CAMK4: variants seen among roughly 807,000 people sequenced by gnomAD.
CAMK4 encodes the protein calcium/calmodulin-dependent protein kinase type IV.
In CAMK4, 22 loss-of-function variants were observed where a neutral mutation model predicts 44.9. The ratio of observed to expected loss-of-function variants is 0.49; its 90% CI spans 0.35 to 0.70. The LOEUF is 0.70. CAMK4 is among the 30% of genes least tolerant of loss of function. The pLI is 0.01. For missense variants in CAMK4, 498 were observed against 586.8 expected (o/e 0.85, Z 1.56); for synonymous variants, 218 against 215.4 (o/e 1.01, Z -0.11).
At position 111,357,926 on chromosome 5, in the gene CAMK4, T is replaced by A. The variant is rs1176714140; in HGVS notation, c.240+13824T>A. 3 of 152,078 alleles carry A rather than the reference T, an allele frequency of 2.0e-5. No homozygotes were observed. In the East Asian group the frequency reaches 5.8e-4, roughly 29 times the overall value. 9.4% of individuals were successfully genotyped at this position (152,078 alleles called of 1,614,324 possible). A position where few individuals can be genotyped will look rare whatever the true frequency, so the allele number is the denominator to read the frequency against. On this transcript the variant is annotated intron_variant, in intron 2 of 10. Coordinates refer to ENST00000282356, the MANE Select transcript of CAMK4 (RefSeq NM_001744.6). ...TACACAATAGCATGTATTCTAGAACTCAGGGCTTTTGAATTCCAAATCTGG... is the reference window on the plus strand; with the variant it reads ...TACACAATAGCATGTATTCTAGAACACAGGGCTTTTGAATTCCAAATCTGG...
chr5:111,429,165 T>A (rs1561482801), intron 5 of CAMK4, among the ~76,000 whole-genome samples: 1 of 150,784 alleles, frequency 6.6e-6, no homozygotes. Flanking sequence ...GAAATTAAAG[T>A]GAAAAAAAAG....
At chr5:111,232,061 A>G (rs984804296) in intron 1 of CAMK4, among the ~76,000 whole-genome samples, 1 of 152,186 alleles carries the variant, frequency 6.6e-6, no homozygotes, top group African/African-American at 2.4e-5. Context: ...ATTTAATTCC[A>G]TGCGTTTGTG....
At chr5:111,446,886 C>T in intron 6 of CAMK4, 110 bp downstream of exon 6, 2 of 742,294 alleles carry the variant, frequency 2.7e-6, no homozygotes, top group East Asian at 5.2e-5. Flanking sequence ...ATTCAGTTTT[C>T]CTGAATAATT....
intron 1 of CAMK4, among the ~76,000 whole-genome samples, chr5:111,317,777 C>G (rs1381990382): frequency 6.6e-6 from 1 of 151,922 alleles, no homozygotes; most frequent in Non-Finnish European, 1.5e-5. Flanking sequence ...GTTTAATGCT[C>G]TGCCATGGCC....
chr5:111,371,012 G>A (rs1320057380), intron 2 of CAMK4, among the ~76,000 whole-genome samples: 3 of 152,142 alleles, frequency 2.0e-5, no homozygotes, highest in African/African-American at 4.8e-5. Flanking sequence ...TTCTAGTAAC[G>A]CCTCTCTTTT....
intron 8 of CAMK4, among the ~76,000 whole-genome samples, chr5:111,476,778 A>G (rs751803187): frequency 1.3e-4 from 20 of 152,184 alleles, no homozygotes; most frequent in Non-Finnish European, 2.5e-4. Flanking sequence ...TCTGATCAGA[A>G]ATCAGATAAC....
intron 1 of CAMK4, among the ~76,000 whole-genome samples, chr5:111,273,318 C>T (rs994250838): frequency 6.6e-6 from 1 of 151,888 alleles, no homozygotes; most frequent in Non-Finnish European, 1.5e-5. Context: ...AGCACATACA[C>T]ACACATTCAC....
chr5:111,245,891 T>C (rs142789290), intron 1 of CAMK4, among the ~76,000 whole-genome samples: 164 of 152,346 alleles, frequency 1.1e-3, no homozygotes, highest in African/African-American at 3.3e-3. Context: ...TGACTGCAGT[T>C]TGTATAACTT....
intron 2 of CAMK4, among the ~76,000 whole-genome samples, chr5:111,367,350 A>C (rs1347402683): frequency 6.6e-6 from 1 of 151,828 alleles, no homozygotes; most frequent in Non-Finnish European, 1.5e-5. Flanking sequence ...TCATGAGAGC[A>C]CATACCTCAT....
chr5:111,480,249 A>AACACACACACACACACAC (rs532395570), intron 9 of CAMK4, among the ~76,000 whole-genome samples: 6,936 of 121,038 alleles, frequency 0.057, 286 homozygotes, highest in Middle Eastern at 0.071. Context: ...TAGGCATGTA[A>AACACACACACACACACAC]ACACACACAC....
In CAMK4 at chr5:111,494,077, C is replaced by G. The variant is rs1389441424; in HGVS notation, c.*9611C>G. The G allele has an allele frequency of 6.6e-6, 1 of 152,090 alleles. No homozygotes were observed. The highest frequency in any genetic ancestry group is 1.9e-4 in the East Asian group (1 of 5,176). The allele number at this position is 152,090 out of a possible 1,614,324, so 9.4% of individuals were successfully genotyped here. The stretch of plus-strand genomic sequence containing the variant: ...TTATTCCTGGGTTGCTGAAAGCTTT[C>G]TGGACTAAAAGGATATAAGCAGCTC... On this transcript the variant is annotated 3_prime_UTR_variant, in exon 11 of 11. Coordinates refer to ENST00000282356, the MANE Select transcript of CAMK4 (RefSeq NM_001744.6).
At chr5:111,343,756 A>C (rs1749740403) in intron 1 of CAMK4, among the ~76,000 whole-genome samples, 1 of 151,758 alleles carries the variant, frequency 6.6e-6, no homozygotes, top group South Asian at 2.1e-4. Flanking sequence ...GAGCCTTCTC[A>C]ATGCAGTAGC....
At chr5:111,262,019 T>C (rs1404915908) in intron 1 of CAMK4, among the ~76,000 whole-genome samples, 2 of 152,044 alleles carry the variant, frequency 1.3e-5, no homozygotes, top group Admixed American at 1.3e-4. Flanking sequence ...AGGTCTTAGG[T>C]CTGCAGAGTC....
intron 1 of CAMK4, among the ~76,000 whole-genome samples, chr5:111,248,296 G>T (rs1281200646): frequency 6.6e-6 from 1 of 152,202 alleles, no homozygotes; most frequent in East Asian, 1.9e-4. Flanking sequence ...TTTAATATTT[G>T]TTCAGAGCTA....
chr5:111,260,662 G>A (rs1367646465), intron 1 of CAMK4, among the ~76,000 whole-genome samples: 1 of 152,076 alleles, frequency 6.6e-6, no homozygotes, highest in Non-Finnish European at 1.5e-5. Flanking sequence ...TACACTTCCA[G>A]TCTCTCAAGG....
chr5:111,321,154 A>G (rs1748646822), intron 1 of CAMK4, among the ~76,000 whole-genome samples: 1 of 152,138 alleles, frequency 6.6e-6, no homozygotes, highest in African/African-American at 2.4e-5. Context: ...TCATGAGATT[A>G]GAGGAGGCAA....
At chr5:111,429,759 C>A (rs1316561323) in intron 5 of CAMK4, among the ~76,000 whole-genome samples, 4 of 101,734 alleles carry the variant, frequency 3.9e-5, no homozygotes, top group Non-Finnish European at 7.1e-5. Flanking sequence ...GGCTGGGTGA[C>A]AGAGTGAGAC....
In CAMK4 at chr5:111,487,736, A is replaced by G. The variant is rs1755683990; in HGVS notation, c.*3270A>G. ...CAATAGTCACATGTGGCTAGTGGCT[A>G]CCATATTAGACAGCACTAGTCTAGA... On this transcript the variant is annotated 3_prime_UTR_variant, in exon 11 of 11. Coordinates refer to ENST00000282356, the MANE Select transcript of CAMK4 (RefSeq NM_001744.6). The G allele has an allele frequency of 6.6e-6, 1 of 152,104 alleles. No homozygotes were observed. The highest frequency in any genetic ancestry group is 1.5e-5 in the Non-Finnish European group (1 of 67,988). 9.4% of individuals were successfully genotyped at this position (152,104 alleles called of 1,614,324 possible).
At chr5:111,246,759 C>T (rs1749259974) in intron 1 of CAMK4, among the ~76,000 whole-genome samples, 1 of 152,174 alleles carries the variant, frequency 6.6e-6, no homozygotes, top group South Asian at 2.1e-4. Context: ...CACACCTAAA[C>T]AAACCAGAGA....
Sources: gnomAD v4.1 joint callset for allele counts (sites outside exome capture counted in the v4.1 genomes callset) on GRCh38, gnomAD v4.1.1 for gene constraint, MANE v1.5 for transcripts, NCBI Gene and HGNC (gene_info 2026-07-23, HGNC 2026-07-21) for gene names.